NDUFAF4: variants seen among roughly 807,000 people sequenced by gnomAD.
NDUFAF4 encodes the protein NADH:ubiquinone oxidoreductase complex assembly factor 4, also known as NADH dehydrogenase [ubiquinone] 1 alpha subcomplex assembly factor 4.
In NDUFAF4, 10 loss-of-function variants were observed where a neutral mutation model predicts 15.6. The ratio of observed to expected loss-of-function variants is 0.64; its 90% confidence interval spans 0.40 to 1.09. The LOEUF (loss-of-function observed/expected upper bound fraction) is 1.09, where lower values mean the gene tolerates loss of function less well. Among genes scored for constraint, NDUFAF4 ranks in the 50% least tolerant of loss-of-function variants. The pLI, the probability that NDUFAF4 is intolerant of heterozygous loss-of-function variation, is 0.01. For synonymous variants in NDUFAF4, 77 were observed against 73.3 expected, an observed-to-expected ratio of 1.05 and a Z score of -0.26; for missense variants, 203 against 207.3, an observed-to-expected ratio of 0.98 and a Z score of 0.13.
chr6:96,893,027 C>A (rs1229435702), intron 2 of NDUFAF4, among the ~76,000 whole-genome samples: 1 of 152,106 alleles, frequency 6.6e-6, no homozygotes, highest in East Asian at 1.9e-4. Context: ...CAGTTCTACT[C>A]CCATATCCTC....
intron 1 of NDUFAF4, among the ~76,000 whole-genome samples, chr6:96,897,099 ATT>A (rs1775388237): frequency 6.6e-6 from 1 of 151,836 alleles, no homozygotes; most frequent in Admixed American, 6.6e-5. Flanking sequence ...TAATTTTTGC[ATT>A]GTTTGTAGAG....
chr6:96,897,391 C>A (rs1325018065), intron 1 of NDUFAF4, among the ~76,000 whole-genome samples: 4 of 152,218 alleles, frequency 2.6e-5, no homozygotes, highest in African/African-American at 9.6e-5. Context: ...GTATCAAGTC[C>A]GTGACAGCAG....
At chr6:96,894,383 T>G (rs1029442570) in intron 2 of NDUFAF4, among the ~76,000 whole-genome samples, 1 of 152,190 alleles carries the variant, frequency 6.6e-6, no homozygotes, top group Admixed American at 6.5e-5. Context: ...AGGGTAGTGA[T>G]GCTGGCAACT....
intron 1 of NDUFAF4, among the ~76,000 whole-genome samples, chr6:96,897,432 G>A (rs529586458): frequency 1.3e-5 from 2 of 152,210 alleles, no homozygotes; most frequent in African/African-American, 2.4e-5. Flanking sequence ...GGGAGCACTG[G>A]CTGCTGCCTC....
At chr6:96,893,872 A>G (rs1489958936) in intron 2 of NDUFAF4, among the ~76,000 whole-genome samples, 1 of 152,226 alleles carries the variant, frequency 6.6e-6, no homozygotes, top group Non-Finnish European at 1.5e-5. Context: ...GGAACAGATG[A>G]GAATGCCTAC....
chr6:96,897,656 C>T lies in NDUFAF4; in HGVS notation c.136+10G>A. 6.2e-7 allele frequency: 1 copy of T among 1,613,622 alleles called. No homozygotes were observed. The highest frequency in any genetic ancestry group is 8.5e-7 in the Non-Finnish European group (1 of 1,179,836). On this transcript the variant is annotated intron_variant, in intron 1 of 2. Coordinates refer to ENST00000316149, the MANE Select transcript of NDUFAF4 (RefSeq NM_014165.4). ...GCCCCCGGGCCCCGAAACGCCCTCG[C>T]ACCACTCACGACTAATCTGCTCTCG...
chr6:96,891,135 G>A lies in NDUFAF4; in HGVS notation c.497C>T (p.Pro166Leu), dbSNP rs563250196. ...FVTFEVEIFP[P>L]EDKKAIRSK ...TGATCGTATTGCTTTCTTGTCTTCA[G>A]GAGGGAAGATTTCGACTTCAAAAGT... Residue 166 changes from proline (P) to leucine (L), a missense_variant, in exon 3 of 3, where the codon CCT becomes CTT. By Grantham distance (98) the Pro-to-Leu change is moderately conservative. Coordinates refer to ENST00000316149, the MANE Select transcript of NDUFAF4 (RefSeq NM_014165.4). The A allele has an allele frequency of 7.4e-6, 12 of 1,613,140 alleles. No homozygotes were observed.
In NDUFAF4 at chr6:96,891,073, G is replaced by A; in HGVS notation, c.*31C>T. The A allele has an allele frequency of 6.3e-7, 1 of 1,584,874 alleles. No individual in the cohort carries two copies. The highest frequency in any genetic ancestry group is 2.2e-5 in the East Asian group (1 of 44,674). On this transcript the variant is annotated 3_prime_UTR_variant, in exon 3 of 3. Coordinates refer to ENST00000316149, the MANE Select transcript of NDUFAF4 (RefSeq NM_014165.4). ...GAAAATATACAGCAGGAGGGATGAGGAGTACACATAGGAAATTTCTGTGAT... is the reference window on the plus strand; with the variant it reads ...GAAAATATACAGCAGGAGGGATGAGAAGTACACATAGGAAATTTCTGTGAT...
chr6:96,896,786 T>C lies in NDUFAF4; in HGVS notation c.198A>G (p.Lys66=). 1 of 1,613,752 alleles carries C rather than the reference T, an allele frequency of 6.2e-7. No individual in the cohort carries two copies. The highest frequency in any genetic ancestry group is 8.5e-7 in the Non-Finnish European group (1 of 1,179,930). Reference sequence around the variant, plus strand: ...GATCTTTGGAATCAACATACACATCTTTTAGAAACGACAGCAGCTTTTCAT... The same window carrying C: ...GATCTTTGGAATCAACATACACATCCTTTAGAAACGACAGCAGCTTTTCAT... ...RKDEKLLSFL[K]DVYVDSKDPV... Residue 66 remains lysine (K), a synonymous_variant, in exon 2 of 3, where the codon AAA becomes AAG. Coordinates refer to ENST00000316149, the MANE Select transcript of NDUFAF4 (RefSeq NM_014165.4).
Position 96,889,883 on chromosome 6 carries a change from G to A in NDUFAF4, c.*1221C>T, listed in dbSNP as rs1472776296. 1 of 152,104 alleles carries A rather than the reference G, an allele frequency of 6.6e-6. No individual in the cohort carries two copies. The allele number at this position is 152,104 out of a possible 1,614,324, so 9.4% of individuals were successfully genotyped here. ...GGGCCTGTTTAAGTCATAAACTACA[G>A]AATCTTCGGTCATATATTCTCCCCA... On this transcript the variant is annotated 3_prime_UTR_variant, in exon 3 of 3. Coordinates refer to ENST00000316149, the MANE Select transcript of NDUFAF4 (RefSeq NM_014165.4).
rs193160349 is a variant in NDUFAF4, at chr6:96,893,475, G to C, written c.241-2084C>G. Among the ~76,000 whole-genome samples the C allele has an allele frequency of 2.2e-4, 33 of 152,150 alleles. No homozygotes were observed. In the East Asian group the frequency reaches 6.2e-3, roughly 29 times the overall value. Reference sequence around the variant, plus strand: ...CATTTCACATTTTCTCATAACTGCAGTGAACTCTAACCATTCTTCAAAGGC... The same window carrying C: ...CATTTCACATTTTCTCATAACTGCACTGAACTCTAACCATTCTTCAAAGGC... On this transcript the variant is annotated intron_variant, in intron 2 of 2. Transcript: ENST00000316149.
In NDUFAF4 at chr6:96,889,320, T is replaced by C. The variant is rs1388504992; in HGVS notation, c.*1784A>G. ...CGCAGTATAGGACTGATGAATGGTA[T>C]GGGAAGAAGTTCTTTATTTTATCAT... On this transcript the variant is annotated 3_prime_UTR_variant, in exon 3 of 3. Coordinates refer to ENST00000316149, the MANE Select transcript of NDUFAF4 (RefSeq NM_014165.4). 1.3e-5 allele frequency: 2 copies of C among 152,162 alleles called. No individual in the cohort carries two copies. The highest frequency in any genetic ancestry group is 2.9e-5 in the Non-Finnish European group (2 of 68,020). 9.4% of individuals were successfully genotyped at this position (152,162 alleles called of 1,614,324 possible).
chr6:96,897,793 T>C lies in NDUFAF4; in HGVS notation c.9A>G (p.Ala3=), dbSNP rs749336430. Residue 3 remains alanine, a synonymous_variant, in exon 1 of 3, where the codon GCA becomes GCG. Transcript: ENST00000316149. MG[A]LVIRGIRNFN... ...AATTCCTGATACCGCGAATCACTAG[T>C]GCTCCCATCTCCTCATAACATTATG... The C allele has an allele frequency of 2.5e-6, 4 of 1,614,060 alleles. No individual in the cohort carries two copies. The highest frequency in any genetic ancestry group is 2.7e-5 in the African/African-American group (2 of 74,938).
chr6:96,897,563 C>A, intron 1 of NDUFAF4, 103 bp downstream of exon 1: 1 of 1,508,160 alleles, frequency 6.6e-7, no homozygotes, highest in Non-Finnish European at 9.0e-7. Context: ...TGCGGCCGAG[C>A]AGGCTGACGC....
intron 2 of NDUFAF4, among the ~76,000 whole-genome samples, chr6:96,892,961 C>T (rs1355563928): frequency 6.6e-6 from 1 of 152,180 alleles, no homozygotes; most frequent in Admixed American, 6.5e-5. Flanking sequence ...GGTATCTCCA[C>T]TTAAATGACC....
chr6:96,893,973 T>G (rs1775343102), intron 2 of NDUFAF4, among the ~76,000 whole-genome samples: 2 of 152,094 alleles, frequency 1.3e-5, no homozygotes, highest in Non-Finnish European at 2.9e-5. Context: ...AGATATATCT[T>G]TAGAAAAGAG....
intron 2 of NDUFAF4, among the ~76,000 whole-genome samples, chr6:96,891,936 T>C (rs916708704): frequency 1.3e-5 from 2 of 152,192 alleles, no homozygotes; most frequent in African/African-American, 2.4e-5. Context: ...CATAGTTTAA[T>C]AGTACTTTTG....
chr6:96,896,864 A>T lies in NDUFAF4; in HGVS notation c.137-17T>A. On this transcript the variant is annotated splice_polypyrimidine_tract_variant and intron_variant, in intron 1 of 2. Coordinates refer to ENST00000316149, the MANE Select transcript of NDUFAF4 (RefSeq NM_014165.4). ...CTGGATAGACTAAGGAAAGGAAAAA[A>T]GTCACAATATTAAAATCAAGGAAAA... 30 of 1,565,898 alleles carry T rather than the reference A, an allele frequency of 1.9e-5. No individual in the cohort carries two copies. The highest frequency in any genetic ancestry group is 2.6e-5 in the Non-Finnish European group (29 of 1,136,502).
chr6:96,892,048 C>T (rs6939665), intron 2 of NDUFAF4, among the ~76,000 whole-genome samples: 137,319 of 152,198 alleles, frequency 0.9, 62,073 homozygotes, highest in East Asian at 1. Flanking sequence ...CATTATTTCA[C>T]GTGTTTTAAA....
Sources: gnomAD v4.1 joint callset for allele counts (sites outside exome capture counted in the v4.1 genomes callset) on GRCh38, gnomAD v4.1.1 for gene constraint, MANE v1.5 for transcripts, NCBI Gene and HGNC (gene_info 2026-07-23, HGNC 2026-07-21) for gene names.